The following STK39 variants were observed in gnomAD, a reference collection of about 807,000 sequenced individuals.
STK39 encodes the protein serine/threonine kinase 39.
In STK39, 20 loss-of-function variants were observed where a neutral mutation model predicts 77.8. The observed-to-expected ratio is 0.26, with a 90% CI of 0.18 to 0.37. The LOEUF (loss-of-function observed/expected upper bound fraction) is 0.37. Among genes scored for constraint, STK39 ranks in the 10% least tolerant of loss-of-function variants. STK39 has a pLI of 1.00. For synonymous variants in STK39, 246 were observed against 234.1 expected (o/e 1.05, Z -0.47); for missense variants, 479 against 656.5 (o/e 0.73, Z 2.95).
At chr2:168,127,140 T>G (rs1687563740) in intron 10 of STK39, among the ~76,000 whole-genome samples, 1 of 152,150 alleles carries the variant, frequency 6.6e-6, no homozygotes, top group Admixed American at 6.5e-5. Flanking sequence ...TAATAAGTTT[T>G]TTGTTGTTGT....
In STK39 at chr2:168,074,596, G is replaced by A. The variant is rs562997715; in HGVS notation, c.1242+386C>T. ...TACTTTATTGCAAACAAAAAACATG[G>A]AAGACACTTTGCCTGTATGGTTACT... On this transcript the variant is annotated intron_variant, in intron 12 of 17. Transcript: ENST00000355999. Among the ~76,000 whole-genome samples the A allele has an allele frequency of 3.2e-4, 48 of 152,266 alleles. 1 individual carries two copies. The South Asian group carries it at 9.1e-3, about 29-fold the overall frequency.
intron 2 of STK39, among the ~76,000 whole-genome samples, chr2:168,168,600 AATC>A (rs1187471188): frequency 3.9e-5 from 6 of 152,200 alleles, no homozygotes; most frequent in African/African-American, 1.4e-4. Flanking sequence ...AGTACTGCCT[AATC>A]CTCATACTAC....
intron 10 of STK39, among the ~76,000 whole-genome samples, chr2:168,085,266 C>T (rs1253740456): frequency 6.6e-6 from 1 of 152,204 alleles, no homozygotes; most frequent in Non-Finnish European, 1.5e-5. Context: ...AAGAACAGAA[C>T]TTGAGAGGGG....
chr2:168,145,192 G>A (rs1047059689), intron 5 of STK39, among the ~76,000 whole-genome samples: 3 of 152,140 alleles, frequency 2.0e-5, no homozygotes, highest in African/African-American at 4.8e-5. Flanking sequence ...AACGGCATGA[G>A]CAAAGCACAA....
At chr2:168,049,784 G>T in intron 14 of STK39, among the ~76,000 whole-genome samples, 1 of 152,230 alleles carries the variant, frequency 6.6e-6, no homozygotes, top group East Asian at 1.9e-4. Context: ...CCCTGCACTT[G>T]CCTGACTTGT....
At chr2:167,977,699 C>A (rs1683316281) in intron 16 of STK39, among the ~76,000 whole-genome samples, 1 of 152,086 alleles carries the variant, frequency 6.6e-6, no homozygotes, top group Non-Finnish European at 1.5e-5. Context: ...GTCTTGGAAC[C>A]CTCTGAATTG....
chr2:168,212,679 C>T (rs1486187019), intron 1 of STK39, among the ~76,000 whole-genome samples: 1 of 152,164 alleles, frequency 6.6e-6, no homozygotes, highest in Non-Finnish European at 1.5e-5. Flanking sequence ...CTGTAAACTT[C>T]AGGTAAAGGT....
intron 16 of STK39, among the ~76,000 whole-genome samples, chr2:168,009,488 G>C (rs1400355338): frequency 1.3e-5 from 2 of 152,194 alleles, no homozygotes; most frequent in African/African-American, 4.8e-5. Flanking sequence ...TAAATTATAT[G>C]CAAAGTGTCA....
chr2:167,987,331 G>T (rs946787345), intron 16 of STK39, among the ~76,000 whole-genome samples: 2 of 152,118 alleles, frequency 1.3e-5, no homozygotes, highest in Admixed American at 1.3e-4. Flanking sequence ...TGTGAGAAAA[G>T]CGAGGATGCA....
Position 167,985,989 on chromosome 2 carries a change from C to T in STK39, c.1499-21263G>A, listed in dbSNP as rs1162381432. Reference sequence around the variant, plus strand: ...TTCCGAATATGCCAAATACTTCTATCATAGTGTCCACAGTCACAGTTTTTC... The same window carrying T: ...TTCCGAATATGCCAAATACTTCTATTATAGTGTCCACAGTCACAGTTTTTC... On this transcript the variant is annotated intron_variant, in intron 16 of 17. Coordinates refer to ENST00000355999, the MANE Select transcript of STK39 (RefSeq NM_013233.3). Among the ~76,000 whole-genome samples, 5 of 152,298 alleles carry T rather than the reference C, an allele frequency of 3.3e-5. No homozygotes were observed. In the South Asian group the frequency reaches 8.3e-4, roughly 25 times the overall value.
At chr2:168,047,626 G>A (rs1049839051) in intron 14 of STK39, among the ~76,000 whole-genome samples, 2 of 152,058 alleles carry the variant, frequency 1.3e-5, no homozygotes, top group East Asian at 1.9e-4. Flanking sequence ...CTCCAAGTAG[G>A]GACTGAAAAG....
intron 16 of STK39, among the ~76,000 whole-genome samples, chr2:167,997,501 G>C (rs1431867277): frequency 6.6e-6 from 1 of 152,070 alleles, no homozygotes; most frequent in Non-Finnish European, 1.5e-5. Flanking sequence ...TGAGTTAAGT[G>C]GGTCACTCTA....
At chr2:168,189,556 G>A in intron 1 of STK39, among the ~76,000 whole-genome samples, 1 of 152,124 alleles carries the variant, frequency 6.6e-6, no homozygotes, top group East Asian at 1.9e-4. Context: ...TTATTAGGGA[G>A]TCTAGGTAAA....
chr2:168,242,560 A>ATATATATATAT (rs1553464984), intron 1 of STK39, among the ~76,000 whole-genome samples: 7 of 44,852 alleles, frequency 1.6e-4, no homozygotes, highest in African/African-American at 7.7e-4. Context: ...AAAAAAAAAA[A>ATATATATATAT]ATATATATAT....
At chr2:168,005,525 G>C (rs183043331) in intron 16 of STK39, among the ~76,000 whole-genome samples, 4 of 151,940 alleles carry the variant, frequency 2.6e-5, no homozygotes, top group African/African-American at 9.7e-5. Flanking sequence ...TACTGAATTT[G>C]CATATGGTAT....
chr2:168,074,569 T>C (rs1686026350), intron 12 of STK39, among the ~76,000 whole-genome samples: 1 of 152,216 alleles, frequency 6.6e-6, no homozygotes, highest in South Asian at 2.1e-4. Flanking sequence ...CATTTTAATA[T>C]CTACTTTATT....
At chr2:167,956,736 C>G (rs565698159) in intron 17 of STK39, among the ~76,000 whole-genome samples, 2 of 49,606 alleles carry the variant, frequency 4.0e-5, no homozygotes, top group African/African-American at 1.7e-4. Context: ...TCTCCCCCCC[C>G]GCCCCCTCAG....
At chr2:168,191,866 C>A (rs1689348740) in intron 1 of STK39, among the ~76,000 whole-genome samples, 1 of 152,150 alleles carries the variant, frequency 6.6e-6, no homozygotes, top group Non-Finnish European at 1.5e-5. Context: ...ACTCAGGAAG[C>A]TGTAGGAAGC....
chr2:168,165,074 A>G (rs1427976951), intron 3 of STK39, among the ~76,000 whole-genome samples: 2 of 152,146 alleles, frequency 1.3e-5, no homozygotes, highest in Non-Finnish European at 2.9e-5. Context: ...GGAAAAAAAA[A>G]CCTCTGTTTA....
Sources: gnomAD v4.1 joint callset for allele counts (sites outside exome capture counted in the v4.1 genomes callset) on GRCh38, gnomAD v4.1.1 for gene constraint, MANE v1.5 for transcripts, NCBI Gene and HGNC (gene_info 2026-07-23, HGNC 2026-07-21) for gene names.